ARHGAP26: variants seen among roughly 807,000 people sequenced by gnomAD.
The protein encoded by ARHGAP26 is rho GTPase-activating protein 26.
ARHGAP26 carries 38 observed loss-of-function variants against 104.8 expected under a neutral mutation model. The ratio of observed to expected loss-of-function variants is 0.36; its 90% CI spans 0.28 to 0.48. The LOEUF (loss-of-function observed/expected upper bound fraction) is 0.48, where lower values mean the gene tolerates loss of function less well. Ranked by LOEUF, ARHGAP26 falls within the 20% of genes least tolerant of loss-of-function variation. ARHGAP26 has a pLI of 0.99. For missense variants in ARHGAP26, 704 were observed against 947.9 expected (o/e 0.74, Z 3.38); for synonymous variants, 341 against 340.0 (o/e 1.00, Z -0.03).
intron 20 of ARHGAP26, among the ~76,000 whole-genome samples, chr5:143,158,411 G>T (rs3776261): frequency 1.3e-5 from 2 of 152,220 alleles, no homozygotes; most frequent in East Asian, 1.9e-4. Context: ...TTGTTCCTCC[G>T]TTGGGTGGAG....
At chr5:142,771,405 G>C in intron 1 of ARHGAP26, 1 of 1,231,838 alleles carries the variant, frequency 8.1e-7, no homozygotes, top group Non-Finnish European at 1.0e-6. Context: ...CTCCCTGTAC[G>C]CAGCTCCAGC....
chr5:143,035,935 CAAA>C (rs10713064), intron 12 of ARHGAP26, among the ~76,000 whole-genome samples: 125 of 78,094 alleles, frequency 1.6e-3, no homozygotes, highest in African/African-American at 5.7e-3. Context: ...GACCTTGTCT[CAAA>C]AAAAAAAAAA....
At chr5:142,960,808 A>G (rs1770104491) in intron 11 of ARHGAP26, among the ~76,000 whole-genome samples, 1 of 152,222 alleles carries the variant, frequency 6.6e-6, no homozygotes, top group Non-Finnish European at 1.5e-5. Context: ...CCATTTTTCT[A>G]TGCCCAGCAT....
chr5:142,882,139 C>T (rs1034469422), intron 4 of ARHGAP26, among the ~76,000 whole-genome samples: 5 of 152,180 alleles, frequency 3.3e-5, no homozygotes, highest in South Asian at 4.1e-4. Flanking sequence ...GAGAGTGGGT[C>T]TACAGCTAGA....
intron 17 of ARHGAP26, among the ~76,000 whole-genome samples, chr5:143,061,011 A>G (rs141406794): frequency 7.9e-5 from 12 of 152,350 alleles, no homozygotes; most frequent in Non-Finnish European, 1.8e-4. Flanking sequence ...TGACTTTCCA[A>G]GTCTTTGCAA....
chr5:142,960,794 C>G (rs1770101489), intron 11 of ARHGAP26, among the ~76,000 whole-genome samples: 1 of 152,264 alleles, frequency 6.6e-6, no homozygotes, highest in Non-Finnish European at 1.5e-5. Context: ...GGCAGCCCCA[C>G]TGGCCATTTT....
intron 17 of ARHGAP26, among the ~76,000 whole-genome samples, chr5:143,063,039 C>A (rs1361337588): frequency 6.6e-6 from 1 of 152,156 alleles, no homozygotes; most frequent in African/African-American, 2.4e-5. Flanking sequence ...GGCTCCGGAA[C>A]CTTTGTTCTC....
intron 11 of ARHGAP26, among the ~76,000 whole-genome samples, chr5:142,991,969 G>C (rs1775686335): frequency 6.6e-6 from 1 of 152,114 alleles, no homozygotes; most frequent in Non-Finnish European, 1.5e-5. Context: ...ATTTCCCTGA[G>C]CCTACATCTA....
At chr5:142,910,591 T>C (rs1417369255) in intron 9 of ARHGAP26, among the ~76,000 whole-genome samples, 1 of 151,910 alleles carries the variant, frequency 6.6e-6, no homozygotes, top group Non-Finnish European at 1.5e-5. Flanking sequence ...ATACAAAAAT[T>C]AGCCGGGTGC....
chr5:143,064,399 C>CT (rs764782489), intron 17 of ARHGAP26, among the ~76,000 whole-genome samples: 3,968 of 138,304 alleles, frequency 0.029, 101 homozygotes, highest in South Asian at 0.1. Context: ...TTGACTGGCT[C>CT]TTTTTTTTTT....
At chr5:143,066,219 C>T (rs1314339230) in intron 17 of ARHGAP26, among the ~76,000 whole-genome samples, 3 of 152,116 alleles carry the variant, frequency 2.0e-5, no homozygotes, top group South Asian at 2.1e-4. Flanking sequence ...GGTTTGTAGC[C>T]GAGGAGCAAT....
rs1021968722 is a variant in ARHGAP26, at chr5:143,224,395, A to G, written c.*1949A>G. ...GTTCAGTCTTTATGTGTTTTTAAGC[A>G]TCCCTTGGGCTTTGGATTTGGAGAT... On this transcript the variant is annotated 3_prime_UTR_variant, in exon 23 of 23. Transcript: ENST00000645722. 3 of 229,232 alleles carry G rather than the reference A, an allele frequency of 1.3e-5. No individual in the cohort carries two copies. The highest frequency in any genetic ancestry group is 4.4e-5 in the African/African-American group (2 of 45,100). 14.2% of individuals were successfully genotyped at this position (229,232 alleles called of 1,614,324 possible).
intron 1 of ARHGAP26, chr5:142,772,924 T>A (rs1755529517): frequency 1.9e-6 from 1 of 533,168 alleles, no homozygotes; most frequent in African/African-American, 1.9e-5. Context: ...GAAGAAACAT[T>A]GCAGTGATAG....
chr5:143,182,620 G>A (rs1804545427), intron 20 of ARHGAP26, among the ~76,000 whole-genome samples: 1 of 152,180 alleles, frequency 6.6e-6, no homozygotes, highest in African/African-American at 2.4e-5. Context: ...AGATGCACAA[G>A]ATCATTTATT....
At chr5:142,999,507 A>G (rs1471975765) in intron 11 of ARHGAP26, among the ~76,000 whole-genome samples, 2 of 152,178 alleles carry the variant, frequency 1.3e-5, no homozygotes, top group Admixed American at 1.3e-4. Flanking sequence ...ATTTAAAACC[A>G]GTGAGTTTCA....
chr5:143,115,626 C>A (rs1359399865), intron 17 of ARHGAP26, among the ~76,000 whole-genome samples: 2 of 152,080 alleles, frequency 1.3e-5, no homozygotes, highest in African/African-American at 4.8e-5. Flanking sequence ...CCACTTTCAT[C>A]AGCACTACCT....
chr5:143,044,155 A>C (rs572642708), intron 14 of ARHGAP26, among the ~76,000 whole-genome samples: 1 of 152,328 alleles, frequency 6.6e-6, no homozygotes, highest in Non-Finnish European at 1.5e-5. Flanking sequence ...TTTTGCACAC[A>C]AAAGTGTCAA....
intron 12 of ARHGAP26, among the ~76,000 whole-genome samples, chr5:143,032,351 G>A (rs959606468): frequency 1.3e-5 from 2 of 152,350 alleles, no homozygotes; most frequent in Admixed American, 1.3e-4. Flanking sequence ...GGAGACACAG[G>A]TCCTGCGACA....
At position 142,879,643 on chromosome 5, in the gene ARHGAP26, G is replaced by A. The variant is rs557420971; in HGVS notation, c.384+198G>A. ...TGACTGAAGTACGACCATCTGAGCC[G>A]TCAACCCCGGAGGGGCCATTCTGGT... On this transcript the variant is annotated intron_variant, in intron 4 of 22. Coordinates refer to ENST00000645722, the MANE Select transcript of ARHGAP26 (RefSeq NM_001135608.3). 5.3e-4 allele frequency among the ~76,000 whole-genome samples: 81 copies of A among 152,334 alleles called. 1 individual carries two copies. The highest frequency in any genetic ancestry group is 1.7e-3 in the African/African-American group (72 of 41,578).
Sources: allele counts gnomAD v4.1 joint callset (sites outside exome capture counted in the v4.1 genomes callset), GRCh38; gene constraint gnomAD v4.1.1; transcripts MANE v1.5; gene names NCBI Gene and HGNC (gene_info 2026-07-23, HGNC 2026-07-21).